The following LAMC3 variants were observed in gnomAD, a reference collection of about 807,000 sequenced individuals.
The protein encoded by LAMC3 is laminin subunit gamma 3.
LAMC3 carries 128 observed loss-of-function variants against 173.8 expected under a neutral mutation model. The observed-to-expected ratio is 0.74, with a 90% CI of 0.64 to 0.85. LAMC3 has a LOEUF of 0.85. Among genes scored for constraint, LAMC3 ranks in the 40% least tolerant of loss-of-function variants. The probability of loss-of-function intolerance (pLI) is 0.00; values close to 1 mark genes in which losing one functional copy is unlikely to be tolerated. For missense variants in LAMC3, 2,022 were observed against 2,156.0 expected (o/e 0.94, Z 1.23); for synonymous variants, 897 against 909.1 (o/e 0.99, Z 0.24).
Position 131,087,516 on chromosome 9 carries a change from G to T in LAMC3, c.4271G>T (p.Arg1424Leu), listed in dbSNP as rs34724991. The T allele has an allele frequency of 6.2e-7, 1 of 1,613,686 alleles. No individual in the cohort carries two copies. The highest frequency in any genetic ancestry group is 2.2e-5 in the East Asian group (1 of 44,898). ...CTGAGGGAGCGGAAACAGGCGCACC[G>T]CCGTGCCAGCAGGCTCACCAGCCAG... ...ALLRERKQAH[R>L]RASRLTSQTQ... Residue 1424 changes from arginine to leucine, a missense_variant, in exon 26 of 28, where the codon CGC becomes CTC. Arg to Leu is a moderately radical substitution (Grantham distance 102, BLOSUM62 -2). Coordinates refer to ENST00000361069, the MANE Select transcript of LAMC3 (RefSeq NM_006059.4).
chr9:131,088,516 C>T (rs569529687), intron 27 of LAMC3, among the ~76,000 whole-genome samples: 7 of 152,146 alleles, frequency 4.6e-5, no homozygotes, highest in Non-Finnish European at 8.8e-5. Context: ...TGGGGAGGCT[C>T]AGGAGACAGC....
chr9:131,071,268 G>A (rs902095117), intron 17 of LAMC3, among the ~76,000 whole-genome samples: 7 of 152,134 alleles, frequency 4.6e-5, no homozygotes, highest in East Asian at 1.9e-4. Context: ...CAGCGGTGTC[G>A]GCAGGTGCCG....
chr9:131,046,518 A>ATT (rs71501242), intron 8 of LAMC3, among the ~76,000 whole-genome samples: 20,357 of 48,924 alleles, frequency 0.42, 7,114 homozygotes, highest in Non-Finnish European at 0.49. Context: ...TAATTTTTGT[A>ATT]TTTTTTTTTT....
chr9:131,072,106 C>A (rs1173481978), intron 18 of LAMC3, among the ~76,000 whole-genome samples: 11 of 131,034 alleles, frequency 8.4e-5, no homozygotes, highest in South Asian at 2.7e-4. Flanking sequence ...TCAGTCCGGG[C>A]AACACAGCAA....
intron 1 of LAMC3, among the ~76,000 whole-genome samples, chr9:131,012,045 G>A (rs1833421644): frequency 8.3e-6 from 1 of 121,046 alleles, no homozygotes. Flanking sequence ...AATGTAGAGA[G>A]CGAACACACA....
intron 1 of LAMC3, among the ~76,000 whole-genome samples, chr9:131,013,794 G>A (rs906232484): frequency 6.6e-6 from 1 of 152,170 alleles, no homozygotes; most frequent in Non-Finnish European, 1.5e-5. Context: ...GGTCTGGCCA[G>A]CCACAGCGAG....
chr9:131,066,978 GTGA>G lies in LAMC3; in HGVS notation c.2372_2374del (p.Asp791del). ...CACACAGGGCGGCGCTGTGAGGTCT[GTGA>G]TGATGGCTTTTTTGGGGACCCGCTG... On this transcript the variant is annotated inframe_deletion, in exon 14 of 28. Coordinates refer to ENST00000361069, the MANE Select transcript of LAMC3 (RefSeq NM_006059.4). The G allele has an allele frequency of 6.2e-7, 1 of 1,613,976 alleles. No homozygotes were observed. The highest frequency in any genetic ancestry group is 8.5e-7 in the Non-Finnish European group (1 of 1,180,034).
rs369827501 is a variant in LAMC3, at chr9:131,067,181, C to G, written c.2569C>G (p.Pro857Ala). The change falls in exon 14 of 28, where the codon CCT becomes GCT. Residue 857 changes from proline to alanine, a missense_variant. Physicochemically the swap from Pro to Ala is conservative, Grantham distance 27 (BLOSUM62 -1). Transcript: ENST00000361069. ...AGGCTTCTACGGGAGCGCCCTGGCC[C>G]CTCGACCCGCAGACAAATGCATGCG... ...QEGFYGSALAPRPADKCMPCS... is the reference protein window; with the variant it reads ...QEGFYGSALAARPADKCMPCS... 1.2e-6 allele frequency: 2 copies of G among 1,614,056 alleles called. No homozygotes were observed. Among genetic ancestry groups the G allele is most frequent in the Non-Finnish European group, 1.7e-6 (2 of 1,180,006 alleles).
intron 4 of LAMC3, 35 bp downstream of exon 4, chr9:131,036,367 C>T (rs754247312): frequency 2.3e-5 from 37 of 1,611,496 alleles, no homozygotes; most frequent in African/African-American, 5.3e-5. Context: ...ATCAGGGACC[C>T]GAGGCTGGTG....
At position 131,017,499 on chromosome 9, in the gene LAMC3, C is replaced by T. The variant is rs11244248; in HGVS notation, c.373+7912C>T. 3.3e-3 allele frequency among the ~76,000 whole-genome samples: 502 copies of T among 151,024 alleles called. 5 individuals are homozygous for T. The highest frequency in any genetic ancestry group is 0.012 in the African/African-American group (473 of 41,116). Reference sequence around the variant, plus strand: ...CAGCACTTTGGGAGGCCGAGGCCGGCGGATCACTTGAGGTCATGAGTTCGA... The same window carrying T: ...CAGCACTTTGGGAGGCCGAGGCCGGTGGATCACTTGAGGTCATGAGTTCGA... On this transcript the variant is annotated intron_variant, in intron 1 of 27. Coordinates refer to ENST00000361069, the MANE Select transcript of LAMC3 (RefSeq NM_006059.4).
rs1473102060 is a variant in LAMC3 at position 131,092,391 on chromosome 9, A to G, written c.*604A>G. 2 of 154,052 alleles carry G rather than the reference A, an allele frequency of 1.3e-5. No individual in the cohort carries two copies. The highest frequency in any genetic ancestry group is 2.9e-5 in the Non-Finnish European group (2 of 69,172). The allele number at this position is 154,052 out of a possible 1,614,324, so 9.5% of individuals were successfully genotyped here. ...CTGCGTGCACTCCCTACAGCTCGACACAGCCAGGGGACCAACAGGCCAAGA... is the reference window on the plus strand; with the variant it reads ...CTGCGTGCACTCCCTACAGCTCGACGCAGCCAGGGGACCAACAGGCCAAGA... On this transcript the variant is annotated 3_prime_UTR_variant, in exon 28 of 28. Coordinates refer to ENST00000361069, the MANE Select transcript of LAMC3 (RefSeq NM_006059.4).
chr9:131,036,420 G>A, intron 4 of LAMC3, 88 bp downstream of exon 4: 1 of 1,494,442 alleles, frequency 6.7e-7, no homozygotes, highest in Non-Finnish European at 9.2e-7. Flanking sequence ...CGTGGTGGGG[G>A]CTGCTCCTGG....
intron 20 of LAMC3, 38 bp from the exon 21 acceptor site, chr9:131,075,793 G>C (rs13301105): frequency 6.3e-7 from 1 of 1,591,148 alleles, no homozygotes; most frequent in Non-Finnish European, 8.5e-7. Flanking sequence ...CCTTCCCTGC[G>C]AGCCCTTGGT....
rs541195309 is a variant in LAMC3 at position 131,026,508 on chromosome 9, G to A, written c.597G>A (p.Pro199=). The A allele has an allele frequency of 4.3e-5, 69 of 1,612,940 alleles. 1 individual carries two copies. Among genetic ancestry groups the A allele is most frequent in the South Asian group, 8.8e-5 (8 of 91,040 alleles). The change falls in exon 2 of 28, where the codon CCG becomes CCA. Residue 199 remains proline, a synonymous_variant. Transcript: ENST00000361069. The surrounding 1 kb of genome is among the most constrained non-coding windows in gnomAD (Gnocchi z 4.8). ...FCTSEFSDIS[P]LSGGNVAFST... ...CCTCTGAGTTCAGCGACATCTCCCC[G>A]CTGAGTGGCGGCAACGTGGCCTTCT...
At chr9:131,017,333 G>A (rs1322589198) in intron 1 of LAMC3, among the ~76,000 whole-genome samples, 1 of 152,166 alleles carries the variant, frequency 6.6e-6, no homozygotes, top group Non-Finnish European at 1.5e-5. Context: ...GCGGCCTCAC[G>A]CGATAGGAAA....
At position 131,087,463 on chromosome 9, in the gene LAMC3, A is replaced by G; in HGVS notation, c.4231-13A>G. On this transcript the variant is annotated splice_polypyrimidine_tract_variant and intron_variant, in intron 25 of 27. Coordinates refer to ENST00000361069, the MANE Select transcript of LAMC3 (RefSeq NM_006059.4). ...CTCACTTCTTCTCCCTGCCACTGCC[A>G]CCCATCCCATAGCTTGCCAAGGCCT... 2 of 1,613,648 alleles carry G rather than the reference A, an allele frequency of 1.2e-6. No individual in the cohort carries two copies. The highest frequency in any genetic ancestry group is 1.7e-6 in the Non-Finnish European group (2 of 1,179,928).
At chr9:131,081,331 G>A (rs1314698786) in intron 23 of LAMC3, among the ~76,000 whole-genome samples, 1 of 152,176 alleles carries the variant, frequency 6.6e-6, no homozygotes, top group Admixed American at 6.5e-5. Context: ...AGTGTATCTA[G>A]TCCTGTTGAG....
At chr9:131,027,334 G>A (rs72766883) in intron 2 of LAMC3, among the ~76,000 whole-genome samples, 4,920 of 152,322 alleles carry the variant, frequency 0.032, 129 homozygotes, top group Non-Finnish European at 0.049. Context: ...AGAACTCTCC[G>A]CTGAGGGGCC....
chr9:131,009,624 T>C lies in LAMC3; in HGVS notation c.373+37T>C. On this transcript the variant is annotated intron_variant, in intron 1 of 27. Coordinates refer to ENST00000361069, the MANE Select transcript of LAMC3 (RefSeq NM_006059.4). This position sits in a 1 kb window ranked among gnomAD's most constrained non-coding sequence, Gnocchi z 4.3. ...CTGGGGGCACCGCCACCGCACCCCGTGTCCCCACTCCACTGGGGGTCTGAG... is the reference window on the plus strand; with the variant it reads ...CTGGGGGCACCGCCACCGCACCCCGCGTCCCCACTCCACTGGGGGTCTGAG... The C allele has an allele frequency of 4.5e-6, 7 of 1,551,426 alleles. No individual in the cohort carries two copies. The highest frequency in any genetic ancestry group is 6.1e-6 in the Non-Finnish European group (7 of 1,150,072).
Sources: allele counts gnomAD v4.1 joint callset (sites outside exome capture counted in the v4.1 genomes callset), GRCh38; gene constraint gnomAD v4.1.1; non-coding constraint Gnocchi (gnomAD v3.1); transcripts MANE v1.5; gene names NCBI Gene and HGNC (gene_info 2026-07-23, HGNC 2026-07-21).